Variants in HEXA observed in about 807,000 individuals in gnomAD.
The protein encoded by HEXA is hexosaminidase subunit alpha.
Under a neutral mutation model 73.3 loss-of-function variants are expected in HEXA, and 54 were observed. The ratio of observed to expected loss-of-function variants is 0.74; its 90% confidence interval spans 0.59 to 0.92. HEXA has a LOEUF of 0.92. Ranked by LOEUF, HEXA falls within the 40% of genes least tolerant of loss-of-function variation. The pLI, the probability that HEXA is intolerant of heterozygous loss-of-function variation, is 0.00. For missense variants in HEXA, 649 were observed against 653.0 expected, an observed-to-expected ratio of 0.99 and a Z score of 0.07; for synonymous variants, 230 against 246.9, an observed-to-expected ratio of 0.93 and a Z score of 0.64.
intron 3 of HEXA, chr15:72,354,059 A>T: frequency 2.3e-6 from 1 of 426,716 alleles, no homozygotes; most frequent in South Asian, 2.5e-5. Context: ...AGAGGCCAAG[A>T]CATATACTCA....
intron 8 of HEXA, among the ~76,000 whole-genome samples, chr15:72,348,559 C>T (rs534194853): frequency 1.1e-4 from 16 of 152,312 alleles, no homozygotes; most frequent in African/African-American, 3.8e-4. Context: ...ACATTGTTCT[C>T]CTTCTGGAAT....
At chr15:72,365,095 T>C (rs2088898757) in intron 1 of HEXA, among the ~76,000 whole-genome samples, 1 of 152,064 alleles carries the variant, frequency 6.6e-6, no homozygotes, top group South Asian at 2.1e-4. Flanking sequence ...AAATTTTTTT[T>C]ACTCTTTTTT....
At chr15:72,372,177 C>T (rs115076490) in intron 1 of HEXA, among the ~76,000 whole-genome samples, 6 of 152,002 alleles carry the variant, frequency 3.9e-5, no homozygotes, top group African/African-American at 9.7e-5. Context: ...TACTAAACCC[C>T]GTCTCTACTA....
intron 7 of HEXA, chr15:72,350,096 CT>C (rs1212502578): frequency 1.1e-5 from 3 of 268,462 alleles, no homozygotes; most frequent in Non-Finnish European, 2.2e-5. Flanking sequence ...GCCAGTAGCC[CT>C]TTTCAACTGT....
intron 2 of HEXA, chr15:72,355,878 T>G (rs1440234803): frequency 2.3e-5 from 13 of 569,068 alleles, no homozygotes; most frequent in South Asian, 1.8e-4. Context: ...AGAGTCAGGC[T>G]GGAGTGGAGG....
chr15:72,349,909 G>A (rs562963282), intron 7 of HEXA, among the ~76,000 whole-genome samples: 16 of 152,046 alleles, frequency 1.1e-4, no homozygotes, highest in Middle Eastern at 3.4e-3. Flanking sequence ...GATTACAGGC[G>A]CCTGCCACCA....
intron 6 of HEXA, 200 bp downstream of exon 6, chr15:72,350,933 C>A (rs1156514431): frequency 3.1e-6 from 2 of 639,096 alleles, no homozygotes; most frequent in South Asian, 1.8e-5. Context: ...AGAAGAGATT[C>A]TCTCCTGAAG....
intron 5 of HEXA, 82 bp from the exon 6 acceptor site, chr15:72,351,316 A>G: frequency 1.1e-6 from 1 of 883,438 alleles, no homozygotes; most frequent in Non-Finnish European, 1.9e-6. Context: ...GCGAGCTCTC[A>G]GGCCGCTCCA....
At chr15:72,367,905 T>C (rs1363117220) in intron 1 of HEXA, among the ~76,000 whole-genome samples, 1 of 152,172 alleles carries the variant, frequency 6.6e-6, no homozygotes, top group Admixed American at 6.5e-5. Context: ...TTTCTCCTTT[T>C]CCCCCCATAC....
rs1167732801 is a variant in HEXA at position 72,341,499 on chromosome 15, C to A, written c.*2578G>T. Reference sequence around the variant, plus strand: ...GCCTGCTTTGCCTCCTTAATAGACTCCTGGAATGGGAAGGGGTGGGGGTGG... The same window carrying A: ...GCCTGCTTTGCCTCCTTAATAGACTACTGGAATGGGAAGGGGTGGGGGTGG... On this transcript the variant is annotated 3_prime_UTR_variant, in exon 14 of 14. Coordinates refer to ENST00000268097, the MANE Select transcript of HEXA (RefSeq NM_000520.6). 4.0e-5 allele frequency: 6 copies of A among 148,416 alleles called. No homozygotes were observed. In the Admixed American group the frequency reaches 4.1e-4, roughly 10 times the overall value. The allele number at this position is 148,416 out of a possible 1,614,324, so 9.2% of individuals were successfully genotyped here.
chr15:72,368,203 C>G (rs2088942732), intron 1 of HEXA, among the ~76,000 whole-genome samples: 2 of 152,176 alleles, frequency 1.3e-5, no homozygotes, highest in African/African-American at 4.8e-5. Flanking sequence ...TTATGAGTAA[C>G]TAGATGTTAG....
At chr15:72,345,678 T>C in intron 12 of HEXA, 128 bp from the exon 13 acceptor site, 6 of 1,498,332 alleles carry the variant, frequency 4.0e-6, no homozygotes, top group Non-Finnish European at 5.4e-6. Flanking sequence ...GATCAATACC[T>C]TGTTATGAGC....
At chr15:72,375,348 T>C (rs919991788) in intron 1 of HEXA, among the ~76,000 whole-genome samples, 5 of 152,138 alleles carry the variant, frequency 3.3e-5, no homozygotes, top group African/African-American at 1.2e-4. Flanking sequence ...AAACATTCTA[T>C]GTGCCAGAAA....
intron 6 of HEXA, 194 bp from the exon 7 acceptor site, chr15:72,350,844 T>C (rs1211803863): frequency 6.2e-6 from 4 of 645,238 alleles, no homozygotes; most frequent in East Asian, 2.7e-5. Context: ...AGTATCATAA[T>C]GCCAGTGAGA....
rs1412081412 is a variant in HEXA at position 72,344,158 on chromosome 15, G to A, written c.1527-18C>T. 1 of 1,610,078 alleles carries A rather than the reference G, an allele frequency of 6.2e-7. No individual in the cohort carries two copies. The highest frequency in any genetic ancestry group is 1.7e-5 in the Admixed American group (1 of 59,992). On this transcript the variant is annotated intron_variant, in intron 13 of 13. Coordinates refer to ENST00000268097, the MANE Select transcript of HEXA (RefSeq NM_000520.6). The stretch of plus-strand genomic sequence containing the variant: ...CACCTCGCCTGCAAGAGGACATGAA[G>A]AAATGGCAAGATAAGCCCCTCAGAA...
intron 9 of HEXA, 84 bp from the exon 10 acceptor site, chr15:72,347,842 G>A: frequency 2.3e-6 from 3 of 1,329,956 alleles, no homozygotes; most frequent in Non-Finnish European, 3.3e-6. Context: ...TAGGGGTTGA[G>A]CCTGGCCAGG....
intron 13 of HEXA, 131 bp downstream of exon 13, chr15:72,345,315 C>T (rs1031427462): frequency 1.9e-5 from 28 of 1,511,892 alleles, no homozygotes; most frequent in East Asian, 2.5e-5. Flanking sequence ...TGGTTGAATC[C>T]GTGGATGAGG....
At position 72,344,257 on chromosome 15, in the gene HEXA, T is replaced by C. The variant is rs2088583024; in HGVS notation, c.1527-117A>G. 4.0e-6 allele frequency: 3 copies of C among 742,038 alleles called. No homozygotes were observed. The Admixed American group carries it at 6.1e-5, about 15-fold the overall frequency. 46.0% of individuals were successfully genotyped at this position (742,038 alleles called of 1,614,324 possible). ...ATTTCGGTGACTCTCAAACTGTCACTGTACACCAAATGCACCTGGGAATCT... is the reference window on the plus strand; with the variant it reads ...ATTTCGGTGACTCTCAAACTGTCACCGTACACCAAATGCACCTGGGAATCT... On this transcript the variant is annotated intron_variant, in intron 13 of 13. Transcript: ENST00000268097.
Position 72,375,738 on chromosome 15 carries a change from G to T in HEXA, c.235C>A (p.Pro79Thr). The change falls in exon 1 of 14, where the codon CCC becomes ACC. Residue 79 changes from proline (P) to threonine (T), a missense_variant. Coordinates refer to ENST00000268097, the MANE Select transcript of HEXA (RefSeq NM_000520.6). ...GACTCACCTGTGAGGTAAGGACGGG[G>T]CCAAGACCCGGAACCGAAAAGCAGG... ...RDLLFGSGSWPRPYLTGKRHT... is the reference protein window; with the variant it reads ...RDLLFGSGSWTRPYLTGKRHT... The T allele has an allele frequency of 1.2e-6, 2 of 1,614,172 alleles. No individual in the cohort carries two copies. Among genetic ancestry groups the T allele is most frequent in the Non-Finnish European group, 1.7e-6 (2 of 1,180,034 alleles).
Sources: allele counts gnomAD v4.1 joint callset (sites outside exome capture counted in the v4.1 genomes callset), GRCh38; gene constraint gnomAD v4.1.1; transcripts MANE v1.5; gene names NCBI Gene and HGNC (gene_info 2026-07-23, HGNC 2026-07-21).